Variants in CCDC141 observed in about 807,000 individuals in gnomAD.
The protein encoded by CCDC141 is coiled-coil domain-containing protein 141.
Under a neutral mutation model 181.0 loss-of-function variants are expected in CCDC141, and 168 were observed. The observed-to-expected ratio is 0.93, with a 90% confidence interval of 0.82 to 1.05. The LOEUF (loss-of-function observed/expected upper bound fraction) is 1.05. Ranked by LOEUF, CCDC141 falls within the 50% of genes least tolerant of loss-of-function variation. CCDC141 has a pLI of 0.00. For synonymous variants in CCDC141, 666 were observed against 642.3 expected (o/e 1.04, Z -0.56); for missense variants, 1,902 against 1,788.5 (o/e 1.06, Z -1.14).
At chr2:179,037,932 G>A (rs1055866166) in intron 2 of CCDC141, among the ~76,000 whole-genome samples, 5 of 152,312 alleles carry the variant, frequency 3.3e-5, no homozygotes, top group South Asian at 2.1e-4. Context: ...TGCAGTTGCT[G>A]CGGAAAATAT....
At chr2:178,975,992 C>T (rs1019784418) in intron 3 of CCDC141, among the ~76,000 whole-genome samples, 1 of 152,124 alleles carries the variant, frequency 6.6e-6, no homozygotes, top group African/African-American at 2.4e-5. Context: ...ATTTCACACT[C>T]TAAATGGTGA....
chr2:179,049,556 A>G (rs925810445), intron 1 of CCDC141, among the ~76,000 whole-genome samples: 1 of 151,498 alleles, frequency 6.6e-6, no homozygotes, highest in Non-Finnish European at 1.5e-5. Context: ...AGTATATGCT[A>G]GAGGTTTTCT....
Position 178,870,231 on chromosome 2 carries a change from C to CAAAAAAAAAAAAAAAAAA in CCDC141, c.2206-944_2206-927dup, listed in dbSNP as rs34625707. 1.7e-4 allele frequency among the ~76,000 whole-genome samples: 10 copies of CAAAAAAAAAAAAAAAAAA among 60,290 alleles called. 1 individual carries two copies. The highest frequency in any genetic ancestry group is 5.3e-4 in the African/African-American group (9 of 16,844). 39.6% of individuals were successfully genotyped at this position (60,290 alleles called of 152,430 possible). A position where few individuals can be genotyped will look rare whatever the true frequency, so the allele number is the denominator to read the frequency against. ...TGGGCAACAGAGTAAGACTCTGTCT[C>CAAAAAAAAAAAAAAAAAA]AAAAAAAAAAAAAAAAAAAAAAAGA... is the stretch of plus-strand genomic sequence containing the variant. On this transcript the variant is annotated intron_variant, in intron 14 of 23. Transcript: ENST00000443758.
intron 5 of CCDC141, among the ~76,000 whole-genome samples, chr2:178,951,062 T>C (rs1689933266): frequency 6.6e-6 from 1 of 152,198 alleles, no homozygotes. Context: ...GTACAGTAGA[T>C]GTCTCTGGAC....
intron 2 of CCDC141, among the ~76,000 whole-genome samples, chr2:178,987,650 T>C (rs925533822): frequency 7.5e-4 from 113 of 149,688 alleles, no homozygotes; most frequent in Admixed American, 2.2e-3. Context: ...CATCAAAAAG[T>C]GGGCGAAGGA....
At chr2:178,819,083 G>C in the CCDC141 span, among the ~76,000 whole-genome samples, 8 of 152,158 alleles carry the variant, frequency 5.3e-5, no homozygotes, top group Non-Finnish European at 1.5e-5. Context: ...AAGTAAAAAA[G>C]CTACATTCTT....
chr2:178,865,899 A>G lies in CCDC141; in HGVS notation c.2592T>C (p.Ser864=), dbSNP rs768088717. ...CCAGCTGCTGCTGTAGGTTCTTTGC[A>G]GAAACATTAGAGCAGTGCTAAAAGA... ...SVQRPHCSNV[S]AKNLQQQLEL... is the part of the protein sequence containing the mutation. Residue 864 remains serine, a synonymous_variant, in exon 17 of 24, where the codon TCT becomes TCC. Coordinates refer to ENST00000443758, the MANE Select transcript of CCDC141 (RefSeq NM_173648.4). 2.5e-6 allele frequency: 4 copies of G among 1,590,862 alleles called. No homozygotes were observed. The Admixed American group carries it at 5.3e-5, about 21-fold the overall frequency.
At chr2:178,940,510 G>A (rs901353683) in intron 6 of CCDC141, among the ~76,000 whole-genome samples, 4 of 152,172 alleles carry the variant, frequency 2.6e-5, no homozygotes, top group Non-Finnish European at 5.9e-5. Context: ...GAATGAGAAT[G>A]TGAGGGATAG....
intron 5 of CCDC141, 80 bp downstream of exon 5, chr2:178,961,150 A>G: frequency 1.4e-6 from 2 of 1,445,478 alleles, no homozygotes; most frequent in South Asian, 1.4e-5. Flanking sequence ...AAGACTGACA[A>G]ACTGCCCCAG....
At chr2:178,990,512 G>C (rs1050306695) in intron 2 of CCDC141, among the ~76,000 whole-genome samples, 1 of 142,940 alleles carries the variant, frequency 7.0e-6, no homozygotes, top group Admixed American at 7.3e-5. Flanking sequence ...GTACAAAAGA[G>C]AGAGAGAGAA....
At chr2:178,859,341 C>T (rs1344866489) in intron 17 of CCDC141, among the ~76,000 whole-genome samples, 1 of 152,074 alleles carries the variant, frequency 6.6e-6, no homozygotes, top group Non-Finnish European at 1.5e-5. Flanking sequence ...CCATCTAATC[C>T]CCACATAACT....
intron 8 of CCDC141, among the ~76,000 whole-genome samples, chr2:178,889,200 A>G (rs541156697): frequency 1.7e-4 from 12 of 71,314 alleles, no homozygotes; most frequent in African/African-American, 5.4e-4. Flanking sequence ...AATCAAATAT[A>G]CTTGTTGATA....
intron 2 of CCDC141, among the ~76,000 whole-genome samples, chr2:178,986,480 G>A (rs1360748636): frequency 6.6e-6 from 1 of 152,194 alleles, no homozygotes; most frequent in Non-Finnish European, 1.5e-5. Flanking sequence ...AATTAGGCAG[G>A]AGAAGGAAAT....
chr2:179,015,087 T>G (rs1179511661), intron 2 of CCDC141, among the ~76,000 whole-genome samples: 5 of 46,310 alleles, frequency 1.1e-4, no homozygotes, highest in Admixed American at 3.5e-4. Context: ...TATATATATA[T>G]ATATATATAT....
intron 6 of CCDC141, among the ~76,000 whole-genome samples, chr2:178,921,780 C>A (rs1688700424): frequency 6.6e-6 from 1 of 152,302 alleles, no homozygotes; most frequent in East Asian, 1.9e-4. Flanking sequence ...TTCACCAGCT[C>A]CCACAAGTCT....
intron 22 of CCDC141, among the ~76,000 whole-genome samples, chr2:178,845,176 C>G (rs1451319004): frequency 2.0e-5 from 3 of 152,030 alleles, no homozygotes; most frequent in Non-Finnish European, 4.4e-5. Flanking sequence ...TCTATGGGAA[C>G]AAGATATGAT....
intron 2 of CCDC141, among the ~76,000 whole-genome samples, chr2:178,994,677 G>A (rs562175628): frequency 3.2e-4 from 49 of 152,196 alleles, no homozygotes; most frequent in Admixed American, 1.2e-3. Context: ...CTTTTCTGTC[G>A]CATTGTCAAC....
intron 6 of CCDC141, among the ~76,000 whole-genome samples, chr2:178,923,229 C>T (rs952142697): frequency 6.6e-6 from 1 of 150,422 alleles, no homozygotes; most frequent in Non-Finnish European, 1.5e-5. Context: ...CTCAGCCTCC[C>T]AAGTAGCTGG....
At chr2:178,893,823 GCACACACACACACACA>G in intron 8 of CCDC141, among the ~76,000 whole-genome samples, 1 of 141,988 alleles carries the variant, frequency 7.0e-6, no homozygotes, top group African/African-American at 2.6e-5. Context: ...ACACACACAC[GCACACACACACACACA>G]CACACACACA....
Sources: allele counts gnomAD v4.1 joint callset (sites outside exome capture counted in the v4.1 genomes callset), GRCh38; gene constraint gnomAD v4.1.1; transcripts MANE v1.5; gene names NCBI Gene and HGNC (gene_info 2026-07-23, HGNC 2026-07-21).